Variants in DACH2 observed in about 807,000 individuals in gnomAD.
The protein encoded by DACH2 is dachshund family transcription factor 2.
A neutral mutation model predicts 35.8 loss-of-function variants in DACH2; 17 were observed. The observed-to-expected ratio is 0.48, with a 90% CI of 0.33 to 0.71. DACH2 has a LOEUF of 0.71. Ranked by LOEUF, DACH2 falls within the 30% of genes least tolerant of loss-of-function variation. DACH2 has a pLI of 0.02. For synonymous variants in DACH2, 195 were observed against 177.3 expected, an observed-to-expected ratio of 1.10 and a Z score of -0.79; for missense variants, 469 against 472.7, an observed-to-expected ratio of 0.99 and a Z score of 0.07.
At chrX:86,316,809 T>C (rs2034918027) in intron 1 of DACH2, among the ~76,000 whole-genome samples, 2 of 110,806 alleles carry the variant, frequency 1.8e-5, no homozygotes, top group Admixed American at 1.9e-4. Flanking sequence ...AGATAACCTT[T>C]ACAAGGAGGT....
chrX:86,796,839 G>A (rs987182162), intron 7 of DACH2, among the ~76,000 whole-genome samples: 1 of 111,420 alleles, frequency 9.0e-6, no homozygotes, highest in Non-Finnish European at 1.9e-5. Context: ...CAGGGGATAT[G>A]TTCCAAAACC....
At chrX:86,666,592 C>A (rs1397734213) in intron 4 of DACH2, among the ~76,000 whole-genome samples, 1 of 111,793 alleles carries the variant, frequency 8.9e-6, no homozygotes, top group Non-Finnish European at 1.9e-5. Context: ...GCTGCAAATC[C>A]AGGCAAGTCT....
chrX:86,609,185 T>C (rs1360991011), intron 3 of DACH2, among the ~76,000 whole-genome samples: 1 of 112,054 alleles, frequency 8.9e-6, no homozygotes, highest in Non-Finnish European at 1.9e-5. Context: ...TTTGTTTTTC[T>C]GACTGTATTT....
Position 86,365,279 on chromosome X carries a change from G to A in DACH2, c.489-11545G>A, listed in dbSNP as rs555027971. 6.4e-5 allele frequency among the ~76,000 whole-genome samples: 7 copies of A among 110,203 alleles called. No homozygotes were observed. In the East Asian group the frequency reaches 1.2e-3, roughly 18 times the overall value. The stretch of plus-strand genomic sequence containing the variant: ...TGTCAGTATATTGACTTCCACCAAG[G>A]GGAAATTATTCTTTAATTTGATTGA... On this transcript the variant is annotated intron_variant, in intron 1 of 11. Coordinates refer to ENST00000373125, the MANE Select transcript of DACH2 (RefSeq NM_053281.3).
chrX:86,437,417 A>G (rs778287831), intron 2 of DACH2, among the ~76,000 whole-genome samples: 2 of 111,408 alleles, frequency 1.8e-5, no homozygotes, highest in Admixed American at 1.9e-4. Flanking sequence ...CCATTGACCA[A>G]CTTCTATCCA....
At chrX:86,254,797 T>TATATATATATATATAC in intron 1 of DACH2, among the ~76,000 whole-genome samples, 1 of 68,228 alleles carries the variant, frequency 1.5e-5, no homozygotes, top group Admixed American at 1.6e-4. Flanking sequence ...TATATATATA[T>TATATATATATATATAC]ATATATATAT....
intron 2 of DACH2, among the ~76,000 whole-genome samples, chrX:86,477,092 C>T (rs935206307): frequency 6.4e-5 from 7 of 109,512 alleles, no homozygotes; most frequent in East Asian, 2.9e-4. Flanking sequence ...TAGTGATCCA[C>T]GTGCTGATGA....
At chrX:86,274,740 T>G (rs6623609) in intron 1 of DACH2, among the ~76,000 whole-genome samples, 1 of 107,669 alleles carries the variant, frequency 9.3e-6, no homozygotes, top group Non-Finnish European at 1.9e-5. Context: ...CCTCGTGATC[T>G]GCCCACCTCG....
intron 2 of DACH2, among the ~76,000 whole-genome samples, chrX:86,383,391 C>T (rs1010609617): frequency 9.3e-6 from 1 of 107,039 alleles, no homozygotes; most frequent in Non-Finnish European, 1.9e-5. Flanking sequence ...GTATTTGAGG[C>T]GTTGATACAT....
At chrX:86,760,754 G>A (rs2041872034) in intron 7 of DACH2, among the ~76,000 whole-genome samples, 1 of 109,443 alleles carries the variant, frequency 9.1e-6, no homozygotes, top group Non-Finnish European at 1.9e-5. Flanking sequence ...TGTTCCTTTG[G>A]AGGTGTCATG....
Position 86,733,546 on chromosome X carries a change from T to C in DACH2, c.1105-6201T>C, listed in dbSNP as rs1569475318. On this transcript the variant is annotated intron_variant, in intron 6 of 11. Transcript: ENST00000373125. ...TATATTACTGAATGTGGCAAAATCA[T>C]GAAGACAAAAATAGGTAAAATACCT... Among the ~76,000 whole-genome samples the C allele has an allele frequency of 2.7e-5, 3 of 111,825 alleles. No homozygotes were observed. In the Admixed American group the frequency reaches 2.9e-4, roughly 11 times the overall value.
intron 2 of DACH2, among the ~76,000 whole-genome samples, chrX:86,475,529 T>C (rs1472296572): frequency 8.9e-6 from 1 of 112,358 alleles, no homozygotes; most frequent in Non-Finnish European, 1.9e-5. Flanking sequence ...TTTCGCACAA[T>C]GATTTTGTAT....
intron 2 of DACH2, among the ~76,000 whole-genome samples, chrX:86,417,904 CA>C (rs2036735797): frequency 9.0e-6 from 1 of 111,664 alleles, no homozygotes; most frequent in Admixed American, 9.5e-5. Context: ...AAATCAAAAG[CA>C]AGTTAGTTAC....
chrX:86,477,274 C>A (rs1250365077), intron 2 of DACH2, among the ~76,000 whole-genome samples: 1 of 103,573 alleles, frequency 9.7e-6, no homozygotes, highest in Non-Finnish European at 2.0e-5. Context: ...ATTAGGGTTT[C>A]TTTCTCTCTC....
intron 1 of DACH2, among the ~76,000 whole-genome samples, chrX:86,339,273 G>A (rs749866521): frequency 8.9e-6 from 1 of 111,805 alleles, no homozygotes; most frequent in Non-Finnish European, 1.9e-5. Context: ...TAGTGATCAA[G>A]AACTTATTCC....
chrX:86,565,566 A>G (rs1362645122), intron 3 of DACH2, among the ~76,000 whole-genome samples: 2 of 111,750 alleles, frequency 1.8e-5, no homozygotes, highest in Non-Finnish European at 3.8e-5. Context: ...TGTTGGGGAT[A>G]TATACAGTGG....
intron 6 of DACH2, among the ~76,000 whole-genome samples, chrX:86,721,936 C>T (rs771337076): frequency 9.0e-6 from 1 of 110,970 alleles, no homozygotes; most frequent in South Asian, 3.9e-4. Flanking sequence ...ATCATAAGAA[C>T]AGCATGGGGG....
rs201219667 is a variant in DACH2, at chrX:86,453,580, C to CT, written c.528-60691dup. On this transcript the variant is annotated intron_variant, in intron 2 of 11. Coordinates refer to ENST00000373125, the MANE Select transcript of DACH2 (RefSeq NM_053281.3). ...ACCATTAGGTAATGTCCCTGTTTGTCTTTTTTTTATCTTTGTTGGTTTAAA... is the reference window on the plus strand; with the variant it reads ...ACCATTAGGTAATGTCCCTGTTTGTCTTTTTTTTTATCTTTGTTGGTTTAAA... Among the ~76,000 whole-genome samples the CT allele has an allele frequency of 8.1e-5, 9 of 110,632 alleles. No homozygotes were observed. The East Asian group carries it at 8.5e-4, about 11-fold the overall frequency.
At chrX:86,752,738 T>C (rs1225616926) in intron 7 of DACH2, among the ~76,000 whole-genome samples, 1 of 111,367 alleles carries the variant, frequency 9.0e-6, no homozygotes, top group Non-Finnish European at 1.9e-5. Flanking sequence ...ACTATGGAAG[T>C]CTTGGAAAAA....
Sources: gnomAD v4.1 joint callset for allele counts (sites outside exome capture counted in the v4.1 genomes callset) on GRCh38, gnomAD v4.1.1 for gene constraint, MANE v1.5 for transcripts, NCBI Gene and HGNC (gene_info 2026-07-23, HGNC 2026-07-21) for gene names.